OR10A3: variants seen among roughly 807,000 people sequenced by gnomAD.
The protein encoded by OR10A3 is olfactory receptor 10A3.
In OR10A3, 1 loss-of-function variant was observed where a neutral mutation model predicts 1.5. That is an observed-to-expected ratio of 0.66 (90% CI 0.23 to 3.11). The LOEUF (loss-of-function observed/expected upper bound fraction) is 3.11. Ranked by LOEUF, OR10A3 falls within the 30% of genes most tolerant of loss-of-function variation. The pLI, the probability that OR10A3 is intolerant of heterozygous loss-of-function variation, is 0.21. For missense variants in OR10A3, 398 were observed against 369.7 expected, an observed-to-expected ratio of 1.08 and a Z score of -0.63; for synonymous variants, 145 against 143.7, an observed-to-expected ratio of 1.01 and a Z score of -0.06.
intron 1 of OR10A3, 67 bp downstream of exon 1, chr11:7,941,520 G>T (rs1397600): frequency 2.0e-5 from 3 of 152,008 alleles, no homozygotes; most frequent in African/African-American, 4.8e-5. Flanking sequence ...CAAGCAAACC[G>T]TCTATAGATC....
Position 7,939,272 on chromosome 11 carries a change from C to G in OR10A3, c.249G>C (p.Val83=). ...TCATAGTTTTCTCAGTAGAGAGCAC[C>G]ACCAGCATTTCAGGCGTAATGACTG... ...FSAVITPEML[V]VLSTEKTMIS... Residue 83 remains valine (V), a synonymous_variant, in exon 2 of 2, where the codon GTG becomes GTC. Transcript: ENST00000642047. 6.2e-7 allele frequency: 1 copy of G among 1,614,110 alleles called. No homozygotes were observed. Among genetic ancestry groups the G allele is most frequent in the East Asian group, 2.2e-5 (1 of 44,872 alleles).
chr11:7,939,323 T>C lies in OR10A3; in HGVS notation c.198A>G (p.Leu66=). Residue 66 remains leucine (L), a synonymous_variant, in exon 2 of 2, where the codon CTA becomes CTG. Coordinates refer to ENST00000642047, the MANE Select transcript of OR10A3 (RefSeq NM_001003745.2). ...CACTGAAACTCACCTCCACCACAGA[T>C]AGGTTCAGGAGGAACAGGTACATGG... ...HVPMYLFLLN[L]SVVEVSFSAV... is the part of the protein sequence containing the mutation. The C allele has an allele frequency of 6.2e-7, 1 of 1,614,040 alleles. No homozygotes were observed. Among genetic ancestry groups the C allele is most frequent in the South Asian group, 1.1e-5 (1 of 91,036 alleles).
At position 7,938,955 on chromosome 11, in the gene OR10A3, C is replaced by T. The variant is rs1227847701; in HGVS notation, c.566G>A (p.Cys189Tyr). The T allele has an allele frequency of 1.2e-6, 2 of 1,613,978 alleles. No individual in the cohort carries two copies. Among genetic ancestry groups the T allele is most frequent in the Non-Finnish European group, 1.7e-6 (2 of 1,179,980 alleles). ...GATTTCAAATAAGAAGGTGTCTGCA[C>T]ACACAAGCTCTAGTACCGGGGGAGT... ...CETPPVLELV[C>Y]ADTFLFEIYA... Residue 189 changes from cysteine to tyrosine, a missense_variant, in exon 2 of 2, where the codon TGT becomes TAT. By Grantham distance (194) the Cys-to-Tyr change is radical (BLOSUM62 -2). Coordinates refer to ENST00000642047, the MANE Select transcript of OR10A3 (RefSeq NM_001003745.2).
rs750964233 is a variant in OR10A3 at position 7,939,249 on chromosome 11, A to T, written c.272T>A (p.Met91Lys). The change falls in exon 2 of 2, where the codon ATG becomes AAG. Residue 91 changes from methionine (M) to lysine (K), a missense_variant. Transcript: ENST00000642047. ...TGCAAAACAGCCCACAAAAGAAATC[A>T]TAGTTTTCTCAGTAGAGAGCACCAC... The part of the protein sequence containing the change: ...MLVVLSTEKT[M>K]ISFVGCFAQM... 3 of 1,614,244 alleles carry T rather than the reference A, an allele frequency of 1.9e-6. No homozygotes were observed. The highest frequency in any genetic ancestry group is 3.3e-5 in the Admixed American group (2 of 60,032).
chr11:7,941,301 C>T (rs1321053275), intron 1 of OR10A3, among the ~76,000 whole-genome samples: 1 of 152,120 alleles, frequency 6.6e-6, no homozygotes, highest in South Asian at 2.1e-4. Flanking sequence ...AACTTAAATG[C>T]TCCATCTTTT....
rs747959478 is a variant in OR10A3 at position 7,938,577 on chromosome 11, C to G, written c.944G>C (p.Ter315SerextTer3). 1.9e-6 allele frequency: 3 copies of G among 1,603,360 alleles called. No individual in the cohort carries two copies. The highest frequency in any genetic ancestry group is 1.7e-5 in the Admixed American group (1 of 59,088). ...ATCTTACTCAGCTTCTCAACACAAT[C>G]AGAATGTGTGTAAAATCACTTTTCT... ...WRRKVILHTF* is the reference protein window; with the variant it reads ...WRRKVILHTFS Residue 315 changes from the stop codon to serine (S), a stop_lost, in exon 2 of 2, where the codon TGA becomes TCA. Transcript: ENST00000642047.
rs182216724 is a variant in OR10A3, at chr11:7,939,959, G to A, written c.-178-261C>T. On this transcript the variant is annotated intron_variant, in intron 1 of 1. Coordinates refer to ENST00000642047, the MANE Select transcript of OR10A3 (RefSeq NM_001003745.2). Reference sequence around the variant, plus strand: ...GCAACTGAACCTGAGTTTTGGTTACGCCTGGATTGCGAGCTAGTCTGGAAC... The same window carrying A: ...GCAACTGAACCTGAGTTTTGGTTACACCTGGATTGCGAGCTAGTCTGGAAC... 1.7e-3 allele frequency among the ~76,000 whole-genome samples: 263 copies of A among 152,248 alleles called. 1 individual carries two copies. Among genetic ancestry groups the A allele is most frequent in the Non-Finnish European group, 2.8e-3 (192 of 68,018 alleles).
intron 1 of OR10A3, 108 bp from the exon 2 acceptor site, chr11:7,939,806 C>T: frequency 2.9e-6 from 1 of 339,236 alleles, no homozygotes; most frequent in Non-Finnish European, 5.3e-6. Flanking sequence ...TTGTAGGTTG[C>T]TCTCTCTCTC....
In OR10A3 at chr11:7,938,933, T is replaced by G; in HGVS notation, c.588A>C (p.Glu196Asp). The G allele has an allele frequency of 6.2e-7, 1 of 1,614,072 alleles. No homozygotes were observed. Among genetic ancestry groups the G allele is most frequent in the Non-Finnish European group, 8.5e-7 (1 of 1,180,000 alleles). Residue 196 changes from glutamate (E) to aspartate (D), a missense_variant, in exon 2 of 2, where the codon GAA becomes GAC. Glu to Asp is a conservative substitution (Grantham distance 45). Coordinates refer to ENST00000642047, the MANE Select transcript of OR10A3 (RefSeq NM_001003745.2). ...ELVCADTFLFEIYAFTGTILI... is the reference protein window; with the variant it reads ...ELVCADTFLFDIYAFTGTILI... ...AAATGGTGCCTGTGAAGGCATAGATTTCAAATAAGAAGGTGTCTGCACACA... is the reference window on the plus strand; with the variant it reads ...AAATGGTGCCTGTGAAGGCATAGATGTCAAATAAGAAGGTGTCTGCACACA...
At chr11:7,941,047 A>C (rs1252813061) in intron 1 of OR10A3, among the ~76,000 whole-genome samples, 1 of 152,198 alleles carries the variant, frequency 6.6e-6, no homozygotes, top group Non-Finnish European at 1.5e-5. Flanking sequence ...TGTTTTAACT[A>C]TAACAAAATT....
intron 1 of OR10A3, among the ~76,000 whole-genome samples, chr11:7,941,236 C>T (rs1035203854): frequency 6.6e-6 from 1 of 152,090 alleles, no homozygotes; most frequent in Non-Finnish European, 1.5e-5. Flanking sequence ...GCTGATAAAG[C>T]AAAGTTACAA....
intron 1 of OR10A3, among the ~76,000 whole-genome samples, chr11:7,940,547 T>C (rs1008277782): frequency 3.3e-5 from 5 of 152,046 alleles, no homozygotes; most frequent in Admixed American, 3.3e-4. Context: ...CTCCAATCTG[T>C]ACCTCAAATT....
rs904580582 is a variant in OR10A3 at position 7,938,717 on chromosome 11, G to C, written c.804C>G (p.Pro268=). 2 of 1,614,186 alleles carry C rather than the reference G, an allele frequency of 1.2e-6. No individual in the cohort carries two copies. Among genetic ancestry groups the C allele is most frequent in the Non-Finnish European group, 1.7e-6 (2 of 1,180,042 alleles). The change falls in exon 2 of 2, where the codon CCC becomes CCG. Residue 268 remains proline (P), a synonymous_variant. Transcript: ENST00000642047. ...CCAATGAGATCAGTTTCTTGGTTTC[G>C]GGTGAGTAGCCAGATTTGGGTTGTA... The part of the protein sequence containing the change: ...TYLQPKSGYS[P]ETKKLISLAY...
Position 7,938,930 on chromosome 11 carries a change from G to A in OR10A3, c.591C>T (p.Ile197=). ...TCAAAATGGTGCCTGTGAAGGCATA[G>A]ATTTCAAATAAGAAGGTGTCTGCAC... ...LVCADTFLFE[I]YAFTGTILIV... Residue 197 remains isoleucine, a synonymous_variant, in exon 2 of 2, where the codon ATC becomes ATT. Transcript: ENST00000642047. 6.2e-7 allele frequency: 1 copy of A among 1,614,146 alleles called. No homozygotes were observed. The highest frequency in any genetic ancestry group is 8.5e-7 in the Non-Finnish European group (1 of 1,179,972).
intron 1 of OR10A3, among the ~76,000 whole-genome samples, chr11:7,940,770 C>A (rs1456653046): frequency 6.6e-6 from 1 of 152,080 alleles, no homozygotes. Flanking sequence ...GTCCATTAAG[C>A]AGAGGAGAAA....
Position 7,938,609 on chromosome 11 carries a change from T to C in OR10A3, c.912A>G (p.Leu304=), listed in dbSNP as rs1313632055. 1 of 1,613,054 alleles carries C rather than the reference T, an allele frequency of 6.2e-7. No homozygotes were observed. Residue 304 remains leucine, a synonymous_variant, in exon 2 of 2, where the codon CTA becomes CTG. Coordinates refer to ENST00000642047, the MANE Select transcript of OR10A3 (RefSeq NM_001003745.2). The part of the protein sequence containing the change: ...NSEMKRTLIK[L]WRRKVILHTF Reference sequence around the variant, plus strand: ...TGTGTAAAATCACTTTTCTTCGCCATAGTTTTATCAAAGTCCTCTTCATCT... The same window carrying C: ...TGTGTAAAATCACTTTTCTTCGCCACAGTTTTATCAAAGTCCTCTTCATCT...
intron 1 of OR10A3, 93 bp from the exon 2 acceptor site, chr11:7,939,791 T>G: frequency 2.6e-6 from 1 of 380,514 alleles, no homozygotes; most frequent in Non-Finnish European, 4.7e-6. Flanking sequence ...GGCAACATCT[T>G]TGTTTTGTAG....
In OR10A3 at chr11:7,937,249, A is replaced by T. The variant is rs1941368054; in HGVS notation, c.*1327T>A. The T allele has an allele frequency of 6.6e-6, 1 of 152,226 alleles. No individual in the cohort carries two copies. Among genetic ancestry groups the T allele is most frequent in the African/African-American group, 2.4e-5 (1 of 41,450 alleles). The allele number at this position is 152,226 out of a possible 1,614,324, so 9.4% of individuals were successfully genotyped here. ...TATTCCCAAATAATATACACAAATT[A>T]TAATGACACCCCTTCATTTAGCAGA... On this transcript the variant is annotated 3_prime_UTR_variant, in exon 2 of 2. Coordinates refer to ENST00000642047, the MANE Select transcript of OR10A3 (RefSeq NM_001003745.2).
rs1266253836 is a variant in OR10A3, at chr11:7,939,337, A to C, written c.184T>G (p.Phe62Val). 2 of 1,613,982 alleles carry C rather than the reference A, an allele frequency of 1.2e-6. No homozygotes were observed. The highest frequency in any genetic ancestry group is 2.7e-5 in the African/African-American group (2 of 74,928). The change falls in exon 2 of 2, where the codon TTC (phenylalanine) becomes GTC (valine). Residue 62 changes from phenylalanine to valine, a missense_variant. Transcript: ENST00000642047. ...TCCACCACAGATAGGTTCAGGAGGA[A>C]CAGGTACATGGGAACGTGGAGGCTC... Reference protein sequence around the residue: ...NQSLHVPMYLFLLNLSVVEVS... With the variant: ...NQSLHVPMYLVLLNLSVVEVS...
Sources: gnomAD v4.1 joint callset for allele counts (sites outside exome capture counted in the v4.1 genomes callset) on GRCh38, gnomAD v4.1.1 for gene constraint, MANE v1.5 for transcripts, NCBI Gene and HGNC (gene_info 2026-07-23, HGNC 2026-07-21) for gene names.